The following CORIN variants were observed in gnomAD, a reference collection of about 807,000 sequenced individuals.
CORIN encodes corin, serine peptidase.
In CORIN, 117 loss-of-function variants were observed where a neutral mutation model predicts 125.3. The ratio of observed to expected loss-of-function variants is 0.93; its 90% confidence interval spans 0.80 to 1.09. CORIN has a LOEUF of 1.09. Ranked by LOEUF, CORIN falls within the 50% of genes least tolerant of loss-of-function variation. CORIN has a pLI of 0.00. For missense variants in CORIN, 1,253 were observed against 1,306.7 expected (o/e 0.96, Z 0.63); for synonymous variants, 450 against 466.4 (o/e 0.96, Z 0.45).
chr4:47,698,176 T>C (rs1726114630), intron 5 of CORIN, among the ~76,000 whole-genome samples: 1 of 152,010 alleles, frequency 6.6e-6, no homozygotes, highest in Non-Finnish European at 1.5e-5. Flanking sequence ...TTAAAATTCT[T>C]ATATAACACA....
intron 16 of CORIN, among the ~76,000 whole-genome samples, chr4:47,634,372 G>A (rs1377482498): frequency 2.0e-5 from 3 of 152,224 alleles, no homozygotes; most frequent in Non-Finnish European, 4.4e-5. Flanking sequence ...TGTGGCTCAC[G>A]CCTGTAATCC....
At chr4:47,797,897 C>T (rs1312801056) in intron 2 of CORIN, among the ~76,000 whole-genome samples, 1 of 152,082 alleles carries the variant, frequency 6.6e-6, no homozygotes, top group Non-Finnish European at 1.5e-5. Context: ...AACCCTAAAG[C>T]CAGACTTTCT....
intron 16 of CORIN, among the ~76,000 whole-genome samples, chr4:47,638,779 G>C (rs1056320577): frequency 6.6e-6 from 1 of 152,132 alleles, no homozygotes; most frequent in African/African-American, 2.4e-5. Context: ...GAATTTAGGG[G>C]CTTGATTTAT....
At chr4:47,654,719 A>G (rs1723886301) in intron 12 of CORIN, among the ~76,000 whole-genome samples, 1 of 152,146 alleles carries the variant, frequency 6.6e-6, no homozygotes, top group Non-Finnish European at 1.5e-5. Flanking sequence ...GGGGTCCTTA[A>G]TAAACTTGAA....
intron 3 of CORIN, among the ~76,000 whole-genome samples, chr4:47,770,897 T>C (rs1435198343): frequency 6.6e-6 from 1 of 152,108 alleles, no homozygotes; most frequent in Non-Finnish European, 1.5e-5. Context: ...GATTGCAATA[T>C]GTTGGTCAAA....
At chr4:47,835,239 C>G (rs1482355302) in intron 1 of CORIN, among the ~76,000 whole-genome samples, 3 of 152,162 alleles carry the variant, frequency 2.0e-5, no homozygotes, top group East Asian at 3.9e-4. Context: ...AGCCAGCCAG[C>G]CTCATTTTCC....
intron 4 of CORIN, among the ~76,000 whole-genome samples, chr4:47,753,112 G>A (rs1241810548): frequency 6.6e-6 from 1 of 152,004 alleles, no homozygotes; most frequent in African/African-American, 2.4e-5. Context: ...TTTACTGTTG[G>A]GCCTCCAGGG....
At chr4:47,599,124 A>G (rs1721355793) in intron 21 of CORIN, among the ~76,000 whole-genome samples, 1 of 152,100 alleles carries the variant, frequency 6.6e-6, no homozygotes, top group Non-Finnish European at 1.5e-5. Context: ...GCCTCCTACA[A>G]CACTTTATTT....
At chr4:47,745,378 A>C (rs2109839051) in intron 4 of CORIN, among the ~76,000 whole-genome samples, 1 of 152,368 alleles carries the variant, frequency 6.6e-6, no homozygotes, top group South Asian at 2.1e-4. Flanking sequence ...TCAATTGCTA[A>C]AAGCATTTCA....
chr4:47,786,656 G>A lies in CORIN; in HGVS notation c.409+69C>T, dbSNP rs74701656. On this transcript the variant is annotated intron_variant, in intron 3 of 21. Coordinates refer to ENST00000273857, the MANE Select transcript of CORIN (RefSeq NM_006587.4). ...CAAGTGATTGTGAACTAAAAGCATT[G>A]GTTGCCAAACTTAAAAACCTACCTG... 6.9e-4 allele frequency: 838 copies of A among 1,214,422 alleles called. 2 individuals carry two copies. The African/African-American group carries it at 0.012, about 17-fold the overall frequency. 75.2% of individuals were successfully genotyped at this position (1,214,422 alleles called of 1,614,324 possible). A position where few individuals can be genotyped will look rare whatever the true frequency, so the allele number is the denominator to read the frequency against.
intron 5 of CORIN, among the ~76,000 whole-genome samples, chr4:47,725,072 A>T (rs1727526215): frequency 6.6e-6 from 1 of 152,188 alleles, no homozygotes; most frequent in African/African-American, 2.4e-5. Context: ...TATCTAACAA[A>T]ATACGTGCAA....
chr4:47,699,665 T>C (rs953056713), intron 5 of CORIN, among the ~76,000 whole-genome samples: 1 of 152,256 alleles, frequency 6.6e-6, no homozygotes, highest in Non-Finnish European at 1.5e-5. Context: ...GAATAAATGA[T>C]CGTTCCTATT....
At chr4:47,741,740 C>G (rs1728406505) in intron 5 of CORIN, among the ~76,000 whole-genome samples, 1 of 151,938 alleles carries the variant, frequency 6.6e-6, no homozygotes, top group African/African-American at 2.4e-5. Context: ...GAATGAAGTA[C>G]TAATAATACA....
chr4:47,663,198 T>C (rs1366208170), intron 11 of CORIN, among the ~76,000 whole-genome samples: 1 of 152,140 alleles, frequency 6.6e-6, no homozygotes, highest in Non-Finnish European at 1.5e-5. Context: ...GTCCTTGTAG[T>C]GTTCAGCCAT....
chr4:47,800,229 T>C (rs1230252956), intron 2 of CORIN, among the ~76,000 whole-genome samples: 1 of 152,002 alleles, frequency 6.6e-6, no homozygotes, highest in Admixed American at 6.6e-5. Flanking sequence ...TTTAAATGGT[T>C]GGATTGAATG....
intron 16 of CORIN, among the ~76,000 whole-genome samples, chr4:47,632,725 T>TGATAGATAGATAGATAGATAGATA (rs1553905875): frequency 1.6e-5 from 2 of 126,658 alleles, no homozygotes; most frequent in African/African-American, 3.2e-5. Flanking sequence ...TGACAATAGA[T>TGATAGATAGATAGATAGATAGATA]GATAGATAGA....
At chr4:47,715,362 T>G (rs1042960570) in intron 5 of CORIN, among the ~76,000 whole-genome samples, 1 of 152,200 alleles carries the variant, frequency 6.6e-6, no homozygotes, top group African/African-American at 2.4e-5. Flanking sequence ...TCCTAGCATT[T>G]TGGGAGGCAG....
At chr4:47,660,162 C>T (rs1724180143) in intron 12 of CORIN, among the ~76,000 whole-genome samples, 1 of 152,186 alleles carries the variant, frequency 6.6e-6, no homozygotes, top group Non-Finnish European at 1.5e-5. Flanking sequence ...AGACCCCTAT[C>T]TCTCACCACA....
chr4:47,608,255 A>C (rs1475500472), intron 19 of CORIN, among the ~76,000 whole-genome samples: 1 of 151,976 alleles, frequency 6.6e-6, no homozygotes, highest in East Asian at 1.9e-4. Flanking sequence ...TGGGAGCTGG[A>C]GGCTGCAGTG....
Sources: gnomAD v4.1 joint callset for allele counts (sites outside exome capture counted in the v4.1 genomes callset) on GRCh38, gnomAD v4.1.1 for gene constraint, MANE v1.5 for transcripts, NCBI Gene and HGNC (gene_info 2026-07-23, HGNC 2026-07-21) for gene names.